TRIM16: variants seen among roughly 807,000 people sequenced by gnomAD.
The protein encoded by TRIM16 is tripartite motif-containing protein 16.
In TRIM16, 33 loss-of-function variants were observed where a neutral mutation model predicts 50.4. The observed-to-expected ratio is 0.65, with a 90% CI of 0.50 to 0.88. The LOEUF (loss-of-function observed/expected upper bound fraction) is 0.88, where lower values mean the gene tolerates loss of function less well. TRIM16 is among the 40% of genes least tolerant of loss of function. TRIM16 has a pLI of 0.00. For missense variants in TRIM16, 581 were observed against 686.8 expected (o/e 0.85, Z 1.72); for synonymous variants, 229 against 270.7 (o/e 0.85, Z 1.51).
intron 8 of TRIM16, among the ~76,000 whole-genome samples, chr17:15,639,244 C>T (rs1222545796): frequency 6.9e-6 from 1 of 145,084 alleles, no homozygotes; most frequent in Non-Finnish European, 1.5e-5. Flanking sequence ...TAGGAGCTTA[C>T]TACGTTGCCC....
chr17:15,657,982 T>C (rs984756922), intron 6 of TRIM16, among the ~76,000 whole-genome samples: 1 of 152,236 alleles, frequency 6.6e-6, no homozygotes, highest in African/African-American at 2.4e-5. Context: ...TCTTTTTTCC[T>C]AAACCAAACC....
At chr17:15,678,160 A>G (rs540420515) in intron 4 of TRIM16, among the ~76,000 whole-genome samples, 2 of 152,068 alleles carry the variant, frequency 1.3e-5, no homozygotes, top group South Asian at 4.2e-4. Flanking sequence ...CGAAGCTTGC[A>G]GTGAGCCGAG....
intron 11 of TRIM16, among the ~76,000 whole-genome samples, chr17:15,631,359 T>C (rs1986408278): frequency 6.6e-6 from 1 of 152,274 alleles, no homozygotes; most frequent in Non-Finnish European, 1.5e-5. Context: ...AGTTATGTAA[T>C]GTGTTAACAT....
At chr17:15,650,922 A>C (rs533904226) in intron 7 of TRIM16, among the ~76,000 whole-genome samples, 169 bp downstream of exon 7, 3 of 152,314 alleles carry the variant, frequency 2.0e-5, no homozygotes, top group African/African-American at 7.2e-5. Context: ...TCCAAAACCA[A>C]GTGCAATGTA....
rs764694043 is a variant in TRIM16 at position 15,632,589 on chromosome 17, T to C, written c.935A>G (p.Lys312Arg). The change falls in exon 10 of 12, where the codon AAA becomes AGA. Residue 312 changes from lysine to arginine, a missense_variant. By Grantham distance (26) the Lys-to-Arg change is conservative. Transcript: ENST00000649191. ...GLKDKLSGIR[K>R]VITESTVHLI... ...GTGTACAGTGGATTCCGTGATAACT[T>C]TGCGGATGCCCGAGAGTTTATCCTT... The C allele has an allele frequency of 3.1e-6, 5 of 1,614,014 alleles. No individual in the cohort carries two copies. The South Asian group carries it at 3.3e-5, about 11-fold the overall frequency.
At chr17:15,662,027 A>G (rs1429815882) in intron 6 of TRIM16, among the ~76,000 whole-genome samples, 1 of 152,158 alleles carries the variant, frequency 6.6e-6, no homozygotes, top group East Asian at 1.9e-4. Flanking sequence ...AGTTTGGAAA[A>G]CATGACCCTC....
At chr17:15,649,232 C>A (rs1987563260) in intron 7 of TRIM16, among the ~76,000 whole-genome samples, 1 of 152,120 alleles carries the variant, frequency 6.6e-6, no homozygotes, top group Admixed American at 6.6e-5. Flanking sequence ...GTTTGGTGAT[C>A]TGGGATGGAC....
chr17:15,636,346 G>A, intron 8 of TRIM16, 77 bp from the exon 9 acceptor site: 1 of 1,504,826 alleles, frequency 6.6e-7, no homozygotes, highest in Non-Finnish European at 9.2e-7. Context: ...TCAACATACA[G>A]AAATGTCAGC....
intron 7 of TRIM16, among the ~76,000 whole-genome samples, chr17:15,650,116 G>A (rs1415831218): frequency 6.6e-6 from 1 of 152,098 alleles, no homozygotes; most frequent in Non-Finnish European, 1.5e-5. Context: ...AGAGAGGAGG[G>A]GCCCTGGCAA....
In TRIM16 at chr17:15,660,362, A is replaced by G. The variant is rs555338769; in HGVS notation, c.-337-8416T>C. 2.6e-5 allele frequency among the ~76,000 whole-genome samples: 4 copies of G among 152,340 alleles called. No individual in the cohort carries two copies. In the South Asian group the frequency reaches 8.3e-4, roughly 32 times the overall value. On this transcript the variant is annotated intron_variant, in intron 6 of 11. Coordinates refer to ENST00000649191, the MANE Select transcript of TRIM16 (RefSeq NM_001348119.1). ...GTCCGCTAGGGATGGCTTATGTCTC[A>G]GCAGCCACTGAAGCTCAATTCTTCA...
chr17:15,647,809 G>A (rs1168302375), intron 7 of TRIM16, among the ~76,000 whole-genome samples: 1 of 124,328 alleles, frequency 8.0e-6, no homozygotes, highest in African/African-American at 3.8e-5. Context: ...AAGGAGTCCA[G>A]ATTTCATACA....
At chr17:15,648,633 A>T (rs916866949) in intron 7 of TRIM16, among the ~76,000 whole-genome samples, 2 of 152,204 alleles carry the variant, frequency 1.3e-5, no homozygotes, top group Non-Finnish European at 2.9e-5. Context: ...GGCCTGGGCT[A>T]GCTGAAGGGA....
intron 7 of TRIM16, among the ~76,000 whole-genome samples, chr17:15,649,905 T>C (rs8081063): frequency 0.018 from 2,713 of 152,308 alleles, 67 homozygotes; most frequent in African/African-American, 0.062. Context: ...GCTATTTTCC[T>C]CAACTACAGG....
At position 15,628,753 on chromosome 17, in the gene TRIM16, A is replaced by G; in HGVS notation, c.1557T>C (p.Val519=). The G allele has an allele frequency of 6.2e-7, 1 of 1,614,192 alleles. No homozygotes were observed. Among genetic ancestry groups the G allele is most frequent in the East Asian group, 2.2e-5 (1 of 44,878 alleles). The change falls in exon 12 of 12, where the codon GTT becomes GTC. Residue 519 remains valine, a synonymous_variant. Transcript: ENST00000649191. ...CTGAAAATTTGCAGGCAAACTTGTG[A>G]ACCAGAGTCATGGTATCATACTCTA... The part of the protein sequence containing the change: ...YGVEYDTMTL[V]HKFACKFSEP...
intron 11 of TRIM16, among the ~76,000 whole-genome samples, chr17:15,629,673 C>G (rs1427936381): frequency 1.3e-5 from 2 of 152,184 alleles, no homozygotes; most frequent in African/African-American, 4.8e-5. Flanking sequence ...TCAAACACGC[C>G]CTCATATTCT....
intron 6 of TRIM16, among the ~76,000 whole-genome samples, chr17:15,669,655 G>C (rs1597664080): frequency 2.0e-5 from 3 of 152,226 alleles, no homozygotes; most frequent in East Asian, 3.9e-4. Flanking sequence ...TTTTGAAAAA[G>C]AGAATAGATT....
chr17:15,675,669 C>A (rs145925484), intron 6 of TRIM16: 3,975 of 182,556 alleles, frequency 0.022, 174 homozygotes, highest in African/African-American at 0.091. Flanking sequence ...TGTGGGAAAG[C>A]CTTCAGTAGA....
chr17:15,673,029 A>G (rs1291402641), intron 6 of TRIM16, among the ~76,000 whole-genome samples: 3 of 152,232 alleles, frequency 2.0e-5, no homozygotes, highest in Non-Finnish European at 4.4e-5. Context: ...GTTCAAGGAC[A>G]TCTGTCTTCA....
rs756540319 is a variant in TRIM16 at position 15,628,572 on chromosome 17, C to A, written c.*43G>T. On this transcript the variant is annotated 3_prime_UTR_variant, in exon 12 of 12. Coordinates refer to ENST00000649191, the MANE Select transcript of TRIM16 (RefSeq NM_001348119.1). ...CCAAATCACCCTAAAATGCAAATCC[C>A]ATCACTGTAGCTGGCAAAGGTCTGG... 1.3e-6 allele frequency: 2 copies of A among 1,523,068 alleles called. No homozygotes were observed. The highest frequency in any genetic ancestry group is 1.8e-6 in the Non-Finnish European group (2 of 1,133,480). The allele number at this position is 1,523,068 out of a possible 1,614,324, so 94.3% of individuals were successfully genotyped here.
Sources: gnomAD v4.1 joint callset for allele counts (sites outside exome capture counted in the v4.1 genomes callset) on GRCh38, gnomAD v4.1.1 for gene constraint, MANE v1.5 for transcripts, NCBI Gene and HGNC (gene_info 2026-07-23, HGNC 2026-07-21) for gene names.